Variants in SH3RF3 observed in about 807,000 individuals in gnomAD.
SH3RF3 encodes E3 ubiquitin-protein ligase SH3RF3.
In SH3RF3, 29 loss-of-function variants were observed where a neutral mutation model predicts 66.3. The observed-to-expected ratio is 0.44, with a 90% CI of 0.33 to 0.60. The LOEUF is 0.60. SH3RF3 is among the 20% of genes least tolerant of loss of function. The pLI is 0.04. For synonymous variants in SH3RF3, 583 were observed against 532.0 expected (o/e 1.10, Z -1.32); for missense variants, 1,194 against 1,190.9 (o/e 1.00, Z -0.04).
chr2:109,157,524 C>T (rs1199778816), intron 1 of SH3RF3, among the ~76,000 whole-genome samples: 1 of 152,164 alleles, frequency 6.6e-6, no homozygotes, highest in Non-Finnish European at 1.5e-5. Context: ...TAGAGATAAT[C>T]TCATTGGGTC....
chr2:109,242,287 T>C (rs1679802936), intron 1 of SH3RF3, among the ~76,000 whole-genome samples: 1 of 152,174 alleles, frequency 6.6e-6, no homozygotes, highest in Non-Finnish European at 1.5e-5. Context: ...GCAGTTTTAA[T>C]GTCACCAATT....
At chr2:109,171,625 G>A (rs1351316620) in intron 1 of SH3RF3, among the ~76,000 whole-genome samples, 1 of 152,228 alleles carries the variant, frequency 6.6e-6, no homozygotes, top group Non-Finnish European at 1.5e-5. Flanking sequence ...CTGCCTCTGA[G>A]ACATTTCCTG....
chr2:109,247,943 G>A (rs143738172), intron 1 of SH3RF3, among the ~76,000 whole-genome samples: 3 of 152,146 alleles, frequency 2.0e-5, no homozygotes, highest in African/African-American at 7.2e-5. Context: ...AGACTCCAAC[G>A]TGCAAGCGCT....
At chr2:109,186,500 T>C (rs1574492721) in intron 1 of SH3RF3, among the ~76,000 whole-genome samples, 1 of 152,228 alleles carries the variant, frequency 6.6e-6, no homozygotes, top group Admixed American at 6.5e-5. Flanking sequence ...AATGAAAGCA[T>C]GTAGGGCCAG....
intron 1 of SH3RF3, among the ~76,000 whole-genome samples, chr2:109,209,895 T>TC (rs34193368): frequency 6.6e-6 from 1 of 151,956 alleles, no homozygotes; most frequent in South Asian, 2.1e-4. Context: ...ATTAAGTACG[T>TC]CCCCCCTGTT....
chr2:109,432,517 G>A lies in SH3RF3; in HGVS notation c.1420G>A (p.Ala474Thr), dbSNP rs765567380. 13 of 1,613,418 alleles carry A rather than the reference G, an allele frequency of 8.1e-6. No homozygotes were observed. The highest frequency in any genetic ancestry group is 3.3e-5 in the South Asian group (3 of 90,894). ...LPLNVYLALY[A>T]YKPQKSDELE... ...TGCCCGCAGGTACCTGGCGCTCTAC[G>A]CCTACAAGCCCCAGAAGAGTGACGA... Residue 474 changes from alanine (A) to threonine (T), a missense_variant, in exon 6 of 10, where the codon GCC (alanine) becomes ACC (threonine). Coordinates refer to ENST00000309415, the MANE Select transcript of SH3RF3 (RefSeq NM_001099289.3).
intron 8 of SH3RF3, among the ~76,000 whole-genome samples, chr2:109,479,552 G>A (rs1262592337): frequency 6.6e-6 from 1 of 152,098 alleles, no homozygotes; most frequent in Non-Finnish European, 1.5e-5. Flanking sequence ...GCTTCCACCG[G>A]CCTCATGGGC....
intron 4 of SH3RF3, among the ~76,000 whole-genome samples, chr2:109,400,034 G>A (rs1336891307): frequency 2.0e-5 from 3 of 152,222 alleles, no homozygotes; most frequent in Non-Finnish European, 2.9e-5. Flanking sequence ...GCTGATCTGC[G>A]GGGAATCATG....
At chr2:109,181,265 C>T (rs1678067999) in intron 1 of SH3RF3, among the ~76,000 whole-genome samples, 2 of 152,230 alleles carry the variant, frequency 1.3e-5, no homozygotes, top group Admixed American at 6.5e-5. Flanking sequence ...ACCCCTTGCC[C>T]AGTCTCCACT....
At chr2:109,217,812 A>C (rs1422030752) in intron 1 of SH3RF3, among the ~76,000 whole-genome samples, 3 of 152,100 alleles carry the variant, frequency 2.0e-5, no homozygotes, top group Non-Finnish European at 4.4e-5. Context: ...GGTGCTGGGC[A>C]GGCTGGACAC....
rs774582351 is a variant in SH3RF3 at position 109,501,509 on chromosome 2, C to T, written c.2487C>T (p.Arg829=). ...CACTGTGCTGTTTCCCCAGGTACCGCGTGGTGGTCTCGTACCCACCCCAGA... is the reference window on the plus strand; with the variant it reads ...CACTGTGCTGTTTCCCCAGGTACCGTGTGGTGGTCTCGTACCCACCCCAGA... The part of the protein sequence containing the change: ...EPKLLPRERY[R]VVVSYPPQSE... The change falls in exon 10 of 10, where the codon CGC becomes CGT. Residue 829 remains arginine (R), a synonymous_variant. Transcript: ENST00000309415. The T allele has an allele frequency of 6.4e-6, 5 of 777,596 alleles. No individual in the cohort carries two copies. The highest frequency in any genetic ancestry group is 3.4e-5 in the Admixed American group (2 of 58,718). 48.2% of individuals were successfully genotyped at this position (777,596 alleles called of 1,614,324 possible).
intron 2 of SH3RF3, among the ~76,000 whole-genome samples, chr2:109,363,704 T>A (rs1439644365): frequency 6.6e-6 from 1 of 152,210 alleles, no homozygotes; most frequent in Non-Finnish European, 1.5e-5. Flanking sequence ...TTATTCATGC[T>A]TCACTTTTGA....
chr2:109,167,458 C>T (rs1285375686), intron 1 of SH3RF3, among the ~76,000 whole-genome samples: 2 of 152,154 alleles, frequency 1.3e-5, no homozygotes, highest in Non-Finnish European at 2.9e-5. Context: ...GAAATAACCC[C>T]CAGGCTAGGA....
intron 1 of SH3RF3, among the ~76,000 whole-genome samples, chr2:109,295,292 C>T (rs763712052): frequency 2.6e-5 from 4 of 152,202 alleles, no homozygotes; most frequent in Admixed American, 6.5e-5. Context: ...GTGCTCTTGT[C>T]ATCCCCAATT....
At chr2:109,461,983 C>A (rs1007862089) in intron 8 of SH3RF3, among the ~76,000 whole-genome samples, 9 of 152,088 alleles carry the variant, frequency 5.9e-5, no homozygotes, top group Non-Finnish European at 2.9e-5. Flanking sequence ...CACTTTTTCT[C>A]CACCTTACGA....
intron 8 of SH3RF3, among the ~76,000 whole-genome samples, chr2:109,475,769 A>T (rs1384921117): frequency 2.0e-5 from 3 of 152,206 alleles, no homozygotes; most frequent in Non-Finnish European, 4.4e-5. Context: ...TCGGGGGCAG[A>T]ATCACCCTGG....
chr2:109,172,167 C>T (rs4676070), intron 1 of SH3RF3, among the ~76,000 whole-genome samples: 76,096 of 152,090 alleles, frequency 0.5, 19,951 homozygotes, highest in South Asian at 0.61. Context: ...TGGAATATGC[C>T]GATGAGTGAG....
At chr2:109,457,761 C>T (rs73953121) in intron 8 of SH3RF3, among the ~76,000 whole-genome samples, 8,843 of 152,150 alleles carry the variant, frequency 0.058, 798 homozygotes, top group African/African-American at 0.19. Flanking sequence ...TTTTTCCAGC[C>T]GTCCATGCCC....
intron 1 of SH3RF3, among the ~76,000 whole-genome samples, chr2:109,236,436 T>G (rs141937704): frequency 6.0e-4 from 92 of 152,290 alleles, no homozygotes; most frequent in African/African-American, 1.7e-3. Flanking sequence ...CTCCTCAAAC[T>G]TCACCTTGAG....
Sources: allele counts gnomAD v4.1 joint callset (sites outside exome capture counted in the v4.1 genomes callset), GRCh38; gene constraint gnomAD v4.1.1; transcripts MANE v1.5; gene names NCBI Gene and HGNC (gene_info 2026-07-23, HGNC 2026-07-21).